The following HNRNPC variants were observed in gnomAD, a reference collection of about 807,000 sequenced individuals.
The protein encoded by HNRNPC is heterogeneous nuclear ribonucleoproteins C1/C2.
A neutral mutation model predicts 33.2 loss-of-function variants in HNRNPC; 3 were observed. That is an observed-to-expected ratio of 0.09 (90% CI 0.04 to 0.23). The LOEUF (loss-of-function observed/expected upper bound fraction) is 0.23, where lower values mean the gene tolerates loss of function less well. Ranked by LOEUF, HNRNPC falls within the 10% of genes least tolerant of loss-of-function variation. The pLI, the probability that HNRNPC is intolerant of heterozygous loss-of-function variation, is 1.00. For synonymous variants in HNRNPC, 121 were observed against 126.7 expected, an observed-to-expected ratio of 0.96 and a Z score of 0.30; for missense variants, 143 against 366.7, an observed-to-expected ratio of 0.39 and a Z score of 4.98.
intron 5 of HNRNPC, among the ~76,000 whole-genome samples, chr14:21,225,883 T>G (rs1311327252): frequency 6.6e-6 from 1 of 152,132 alleles, no homozygotes; most frequent in African/African-American, 2.4e-5. Context: ...GGGTTCCAAT[T>G]TATTACAATC....
Position 21,210,658 on chromosome 14 carries a change from C to T in HNRNPC, c.*565G>A, listed in dbSNP as rs1891501724. On this transcript the variant is annotated 3_prime_UTR_variant, in exon 9 of 9. Coordinates refer to ENST00000553300, the MANE Select transcript of HNRNPC (RefSeq NM_004500.4). ...AACCCACAGTATCAACTTTAGAAAACAAATCTTAAGACTATAACACTAATT... is the reference window on the plus strand; with the variant it reads ...AACCCACAGTATCAACTTTAGAAAATAAATCTTAAGACTATAACACTAATT... 6.6e-6 allele frequency: 1 copy of T among 151,928 alleles called. No individual in the cohort carries two copies. The highest frequency in any genetic ancestry group is 1.5e-5 in the Non-Finnish European group (1 of 67,954). The allele number at this position is 151,928 out of a possible 1,614,324, so 9.4% of individuals were successfully genotyped here. A position where few individuals can be genotyped will look rare whatever the true frequency, so the allele number is the denominator to read the frequency against.
chr14:21,238,643 A>C (rs1895001637), intron 2 of HNRNPC, among the ~76,000 whole-genome samples: 1 of 152,152 alleles, frequency 6.6e-6, no homozygotes, highest in Admixed American at 6.6e-5. Context: ...GTATATACTC[A>C]AATATTTTGA....
chr14:21,211,626 C>T, intron 7 of HNRNPC, 60 bp from the exon 8 acceptor site: 1 of 1,549,164 alleles, frequency 6.5e-7, no homozygotes, highest in Non-Finnish European at 8.8e-7. Context: ...CGTAGACAAT[C>T]CCCACTAAGG....
chr14:21,209,182 T>C lies in HNRNPC; in HGVS notation c.*2041A>G, dbSNP rs1203226242. The stretch of plus-strand genomic sequence containing the variant: ...ATCAGGTATTTTAATGTAGAGATGA[T>C]TTAAAATATACAGGAGAATATGCAT... On this transcript the variant is annotated 3_prime_UTR_variant, in exon 9 of 9. Transcript: ENST00000553300. 1.3e-5 allele frequency: 2 copies of C among 152,218 alleles called. No homozygotes were observed. The highest frequency in any genetic ancestry group is 4.8e-5 in the African/African-American group (2 of 41,466). The allele number at this position is 152,218 out of a possible 1,614,324, so 9.4% of individuals were successfully genotyped here. A position where few individuals can be genotyped will look rare whatever the true frequency, so the allele number is the denominator to read the frequency against.
At chr14:21,254,870 C>A (rs996490500) in intron 2 of HNRNPC, among the ~76,000 whole-genome samples, 1 of 148,104 alleles carries the variant, frequency 6.8e-6, no homozygotes, top group African/African-American at 2.5e-5. Flanking sequence ...TGCGGTGAGC[C>A]AAGATCGTGC....
chr14:21,229,507 T>C (rs944578343), intron 5 of HNRNPC, among the ~76,000 whole-genome samples: 4 of 152,254 alleles, frequency 2.6e-5, no homozygotes, highest in Non-Finnish European at 5.9e-5. Flanking sequence ...GAATTCCTTT[T>C]CGGGCCTTAC....
chr14:21,244,588 C>T (rs148330199), intron 2 of HNRNPC, among the ~76,000 whole-genome samples: 24 of 152,314 alleles, frequency 1.6e-4, no homozygotes, highest in Non-Finnish European at 2.9e-4. Context: ...CTTCCCTTAG[C>T]TCTATTCTTG....
At chr14:21,236,791 G>A (rs906296276) in intron 2 of HNRNPC, among the ~76,000 whole-genome samples, 15 of 152,032 alleles carry the variant, frequency 9.9e-5, no homozygotes, top group Admixed American at 5.2e-4. Context: ...TCTTGGAAGG[G>A]GTCAGCAAGA....
chr14:21,234,715 A>G (rs1219311485), intron 2 of HNRNPC: 1 of 153,454 alleles, frequency 6.5e-6, no homozygotes, highest in African/African-American at 2.4e-5. Flanking sequence ...GCAAACGTCA[A>G]ATTCTGTCCC....
At chr14:21,267,595 T>G (rs1879232715) in intron 1 of HNRNPC, among the ~76,000 whole-genome samples, 1 of 152,064 alleles carries the variant, frequency 6.6e-6, no homozygotes, top group South Asian at 2.1e-4. Context: ...CTTCTTCAAC[T>G]TTTCCCCCTA....
At chr14:21,242,590 A>C (rs1895489440) in intron 2 of HNRNPC, among the ~76,000 whole-genome samples, 1 of 152,198 alleles carries the variant, frequency 6.6e-6, no homozygotes, top group South Asian at 2.1e-4. Context: ...GCGCCAGGTA[A>C]AACTTGGTGA....
At chr14:21,212,725 G>A (rs1258118394) in intron 6 of HNRNPC, among the ~76,000 whole-genome samples, 1 of 151,958 alleles carries the variant, frequency 6.6e-6, no homozygotes, top group East Asian at 1.9e-4. Context: ...TGTATTTTCG[G>A]TAGAGATGGG....
chr14:21,211,964 C>T lies in HNRNPC; in HGVS notation c.524-41G>A, dbSNP rs145536390. ...AATACTAGATTAAAATCAAATGTACCGAAGATATGAGTTAGCAAATACACT... is the reference window on the plus strand; with the variant it reads ...AATACTAGATTAAAATCAAATGTACTGAAGATATGAGTTAGCAAATACACT... On this transcript the variant is annotated intron_variant, in intron 6 of 8. Coordinates refer to ENST00000553300, the MANE Select transcript of HNRNPC (RefSeq NM_004500.4). 100 of 1,488,706 alleles carry T rather than the reference C, an allele frequency of 6.7e-5. No homozygotes were observed. In the African/African-American group the frequency reaches 1.2e-3, roughly 17 times the overall value. 92.2% of individuals were successfully genotyped at this position (1,488,706 alleles called of 1,614,324 possible).
chr14:21,232,280 A>G (rs1445058600), intron 3 of HNRNPC, among the ~76,000 whole-genome samples: 1 of 152,158 alleles, frequency 6.6e-6, no homozygotes, highest in African/African-American at 2.4e-5. Flanking sequence ...CAGTAACTCC[A>G]TTTTCATATA....
At chr14:21,230,128 A>C (rs748307869) in intron 5 of HNRNPC, among the ~76,000 whole-genome samples, 191 bp downstream of exon 5, 4 of 152,148 alleles carry the variant, frequency 2.6e-5, no homozygotes, top group Admixed American at 6.5e-5. Flanking sequence ...AGGGATTATG[A>C]AATAATGCAT....
chr14:21,243,162 A>G (rs1309253842), intron 2 of HNRNPC, among the ~76,000 whole-genome samples: 1 of 152,178 alleles, frequency 6.6e-6, no homozygotes, highest in Non-Finnish European at 1.5e-5. Flanking sequence ...TGGGCAAAAG[A>G]GACATTTTTA....
chr14:21,255,095 G>A (rs1876941323), intron 2 of HNRNPC, among the ~76,000 whole-genome samples: 1 of 152,198 alleles, frequency 6.6e-6, no homozygotes, highest in South Asian at 2.1e-4. Context: ...AATATAGGGA[G>A]TGACAATGCA....
At chr14:21,212,105 TTTA>T in intron 6 of HNRNPC, 182 bp from the exon 7 acceptor site, 1 of 565,052 alleles carries the variant, frequency 1.8e-6, no homozygotes, top group Non-Finnish European at 3.2e-6. Context: ...TGTAATGGTT[TTTA>T]TTGTTTTTAA....
chr14:21,246,873 C>G (rs925156147), intron 2 of HNRNPC, among the ~76,000 whole-genome samples: 1 of 152,192 alleles, frequency 6.6e-6, no homozygotes, highest in Non-Finnish European at 1.5e-5. Flanking sequence ...TGATGATTTA[C>G]TTCTACTTAA....
Sources: allele counts gnomAD v4.1 joint callset (sites outside exome capture counted in the v4.1 genomes callset), GRCh38; gene constraint gnomAD v4.1.1; transcripts MANE v1.5; gene names NCBI Gene and HGNC (gene_info 2026-07-23, HGNC 2026-07-21).